ARHGEF10: variants seen among roughly 807,000 people sequenced by gnomAD.
ARHGEF10 encodes the protein Rho guanine nucleotide exchange factor 10, also known as Rho guanine nucleotide exchange factor (GEF) 10.
Under a neutral mutation model 147.4 loss-of-function variants are expected in ARHGEF10, and 140 were observed. The observed-to-expected ratio is 0.95, with a 90% CI of 0.83 to 1.09. The LOEUF (loss-of-function observed/expected upper bound fraction) is 1.09. Ranked by LOEUF, ARHGEF10 falls within the 50% of genes least tolerant of loss-of-function variation. The pLI, the probability that ARHGEF10 is intolerant of heterozygous loss-of-function variation, is 0.00. For missense variants in ARHGEF10, 2,222 were observed against 1,752.7 expected (o/e 1.27, Z -4.78); for synonymous variants, 902 against 695.8 (o/e 1.30, Z -4.67).
intron 2 of ARHGEF10, among the ~76,000 whole-genome samples, chr8:1,844,113 G>A (rs1396256531): frequency 6.6e-6 from 1 of 152,000 alleles, no homozygotes; most frequent in African/African-American, 2.4e-5. Context: ...GTTGCACATG[G>A]GCCTGGTGTC....
At position 1,824,009 on chromosome 8, in the gene ARHGEF10, G is replaced by C. The variant is rs1288886986; in HGVS notation, c.-152G>C. On this transcript the variant is annotated 5_prime_UTR_variant, in exon 1 of 29. Coordinates refer to ENST00000349830, the MANE Select transcript of ARHGEF10 (RefSeq NM_014629.4). ...GGGGGACGCGGGGGACGCGGGGGAC[G>C]GCGGGGAACGGCGGGGGACGGCGGG... 1.4e-5 allele frequency: 1 copy of C among 72,488 alleles called. No homozygotes were observed. Among genetic ancestry groups the C allele is most frequent in the Non-Finnish European group, 2.9e-5 (1 of 34,058 alleles). 4.5% of individuals were successfully genotyped at this position (72,488 alleles called of 1,614,324 possible).
chr8:1,930,870 C>G (rs1264342307), intron 25 of ARHGEF10, among the ~76,000 whole-genome samples: 1 of 152,256 alleles, frequency 6.6e-6, no homozygotes, highest in Non-Finnish European at 1.5e-5. Context: ...TGTCTCGTCC[C>G]TCAGCCATCT....
chr8:1,900,018 C>T (rs2129168903), intron 15 of ARHGEF10, among the ~76,000 whole-genome samples: 1 of 152,340 alleles, frequency 6.6e-6, no homozygotes, highest in South Asian at 2.1e-4. Flanking sequence ...CCAGGGACGA[C>T]AGCAAGTGCT....
chr8:1,829,997 T>TA (rs1469157883), intron 1 of ARHGEF10, among the ~76,000 whole-genome samples: 21 of 152,126 alleles, frequency 1.4e-4, no homozygotes, highest in African/African-American at 4.6e-4. Context: ...AGGAGAGGGT[T>TA]AGGTTCTCCA....
Position 1,945,498 on chromosome 8 carries a change from C to G in ARHGEF10, c.3240C>G (p.His1080Gln). The change falls in exon 27 of 29, where the codon CAC becomes CAG. Residue 1080 changes from histidine to glutamine, a missense_variant. Transcript: ENST00000349830. ...TTTCACAGGGTCAGCTGGAGGCCCA[C>G]CAGGAGGAAGGCATGGTGATCTCCC... The part of the protein sequence containing the change: ...THAVEGQLEA[H>Q]QEEGMVISHM... The G allele has an allele frequency of 2.5e-6, 4 of 1,606,912 alleles. No homozygotes were observed. Among genetic ancestry groups the G allele is most frequent in the Non-Finnish European group, 3.4e-6 (4 of 1,176,666 alleles).
At chr8:1,839,792 G>C (rs1393657995) in intron 1 of ARHGEF10, among the ~76,000 whole-genome samples, 9 of 147,266 alleles carry the variant, frequency 6.1e-5, no homozygotes, top group African/African-American at 2.0e-4. Flanking sequence ...GGTACTGTCT[G>C]GTGTGGGGAC....
Position 1,893,519 on chromosome 8 carries a change from T to G in ARHGEF10, c.1183-50T>G, listed in dbSNP as rs745365842. The G allele has an allele frequency of 2.5e-6, 3 of 1,193,750 alleles. No individual in the cohort carries two copies. The Admixed American group carries it at 5.0e-5, about 20-fold the overall frequency. The allele number at this position is 1,193,750 out of a possible 1,614,324, so 73.9% of individuals were successfully genotyped here. A position where few individuals can be genotyped will look rare whatever the true frequency, so the allele number is the denominator to read the frequency against. ...TCAGCATAGAAGTAAAATGTATCTG[T>G]GTGTATTATAAAGCAGTTTTCTATC... On this transcript the variant is annotated intron_variant, in intron 11 of 28. Transcript: ENST00000349830.
At chr8:1,894,842 G>A (rs1809846564) in intron 13 of ARHGEF10, among the ~76,000 whole-genome samples, 1 of 152,178 alleles carries the variant, frequency 6.6e-6, no homozygotes, top group Non-Finnish European at 1.5e-5. Context: ...GCACTTTATC[G>A]AGTCTTGGAT....
intron 27 of ARHGEF10, among the ~76,000 whole-genome samples, chr8:1,947,768 C>G (rs115685119): frequency 0.035 from 5,254 of 149,896 alleles, 115 homozygotes; most frequent in African/African-American, 0.05. Flanking sequence ...CATACCCCAC[C>G]CCGCTGTCAG....
At chr8:1,829,995 G>T (rs78406831) in intron 1 of ARHGEF10, among the ~76,000 whole-genome samples, 7,963 of 152,248 alleles carry the variant, frequency 0.052, 219 homozygotes, top group South Asian at 0.097. Flanking sequence ...GAAGGAGAGG[G>T]TTAGGTTCTC....
chr8:1,952,124 C>T (rs912002922), intron 27 of ARHGEF10, among the ~76,000 whole-genome samples: 3 of 152,252 alleles, frequency 2.0e-5, no homozygotes, highest in Admixed American at 6.5e-5. Context: ...CTCACCCCAC[C>T]ATCCACCGTG....
chr8:1,926,308 G>T, intron 22 of ARHGEF10, 69 bp from the exon 23 acceptor site: 1 of 1,262,762 alleles, frequency 7.9e-7, no homozygotes, highest in Non-Finnish European at 1.2e-6. Flanking sequence ...ATCCATTTAA[G>T]ACGTTATGTA....
At position 1,918,907 on chromosome 8, in the gene ARHGEF10, C is replaced by T. The variant is rs1203493774; in HGVS notation, c.2144-4057C>T. 7.7e-5 allele frequency among the ~76,000 whole-genome samples: 11 copies of T among 143,374 alleles called. No homozygotes were observed. The East Asian group carries it at 8.6e-4, about 11-fold the overall frequency. The allele number at this position is 143,374 out of a possible 152,430, so 94.1% of individuals were successfully genotyped here. A position where few individuals can be genotyped will look rare whatever the true frequency, so the allele number is the denominator to read the frequency against. ...GTGATGGAGCTATTCTGTAAAGTGA[C>T]GGAGGTGTTCTGTGAGTGATGGAGT... On this transcript the variant is annotated intron_variant, in intron 18 of 28. Transcript: ENST00000349830.
At chr8:1,869,281 G>C in intron 7 of ARHGEF10, 31 bp downstream of exon 7, 1 of 1,597,084 alleles carries the variant, frequency 6.3e-7, no homozygotes, top group Non-Finnish European at 8.6e-7. Context: ...GATTTGAGGA[G>C]ATTCAGCTCA....
intron 26 of ARHGEF10, among the ~76,000 whole-genome samples, chr8:1,939,462 G>T (rs147132862): frequency 6.6e-6 from 1 of 152,222 alleles, no homozygotes; most frequent in African/African-American, 2.4e-5. Context: ...AGTTTTGGGG[G>T]CAACACTCCC....
intron 1 of ARHGEF10, among the ~76,000 whole-genome samples, chr8:1,842,556 T>G (rs1724956342): frequency 6.6e-6 from 1 of 152,226 alleles, no homozygotes; most frequent in African/African-American, 2.4e-5. Flanking sequence ...CATGTGCTTT[T>G]CCTGATGCGG....
At chr8:1,841,926 GCGGGAACTGGGGCCGCGA>G (rs1804090649) in intron 1 of ARHGEF10, among the ~76,000 whole-genome samples, 2 of 69,814 alleles carry the variant, frequency 2.9e-5, no homozygotes, top group Admixed American at 1.6e-4. Flanking sequence ...TGGGGCCGCG[GCGGGAACTGGGGCCGCGA>G]CCGGAACTGG....
At chr8:1,873,698 GC>G (rs781490731) in intron 7 of ARHGEF10, among the ~76,000 whole-genome samples, 13 of 144,380 alleles carry the variant, frequency 9.0e-5, no homozygotes, top group South Asian at 4.5e-4. Context: ...ATTGAGCGGT[GC>G]CCGCGGGGTA....
At chr8:1,912,244 G>A (rs187896013) in intron 18 of ARHGEF10, among the ~76,000 whole-genome samples, 1 of 151,894 alleles carries the variant, frequency 6.6e-6, no homozygotes, top group Non-Finnish European at 1.5e-5. Flanking sequence ...AGCGCCATGT[G>A]GATTGTGCGT....
Sources: allele counts gnomAD v4.1 joint callset (sites outside exome capture counted in the v4.1 genomes callset), GRCh38; gene constraint gnomAD v4.1.1; transcripts MANE v1.5; gene names NCBI Gene and HGNC (gene_info 2026-07-23, HGNC 2026-07-21).